Variants in EXOC4 observed in about 807,000 individuals in gnomAD.
EXOC4 encodes exocyst complex component 4.
EXOC4 carries 71 observed loss-of-function variants against 107.2 expected under a neutral mutation model. The ratio of observed to expected loss-of-function variants is 0.66; its 90% CI spans 0.55 to 0.81. The LOEUF is 0.81. EXOC4 is among the 30% of genes least tolerant of loss of function. The probability of loss-of-function intolerance (pLI) is 0.00; values close to 1 mark genes in which losing one functional copy is unlikely to be tolerated. For synonymous variants in EXOC4, 456 were observed against 441.2 expected (o/e 1.03, Z -0.42); for missense variants, 1,108 against 1,189.6 (o/e 0.93, Z 1.01).
intron 7 of EXOC4, 50 bp downstream of exon 7, chr7:133,375,052 GAATAACAA>G: frequency 6.7e-7 from 1 of 1,494,824 alleles, no homozygotes; most frequent in Middle Eastern, 1.9e-4. Flanking sequence ...TAACAGTTTA[GAATAACAA>G]CAACAACAGC....
At chr7:133,386,928 G>A (rs1351023215) in intron 7 of EXOC4, among the ~76,000 whole-genome samples, 2 of 152,048 alleles carry the variant, frequency 1.3e-5, no homozygotes, top group Non-Finnish European at 2.9e-5. Context: ...GCACTATAAT[G>A]TATTGAACCC....
chr7:133,851,887 T>G (rs189296820), intron 11 of EXOC4, among the ~76,000 whole-genome samples: 352 of 152,324 alleles, frequency 2.3e-3, no homozygotes, highest in Non-Finnish European at 3.9e-3. Flanking sequence ...GTCATCATAC[T>G]ACATTATACT....
chr7:133,422,613 A>G lies in EXOC4; in HGVS notation c.1182+47611A>G, dbSNP rs376130662. ...GATTTTAGAACCACATTTTCTTAAA[A>G]TGGAGGTTATGTAGGTTACATGTTT... On this transcript the variant is annotated intron_variant, in intron 7 of 17. Transcript: ENST00000253861. 7.2e-5 allele frequency among the ~76,000 whole-genome samples: 11 copies of G among 152,284 alleles called. No individual in the cohort carries two copies. The East Asian group carries it at 1.9e-3, about 27-fold the overall frequency.
chr7:133,264,566 T>C lies in EXOC4; in HGVS notation c.87-10416T>C, dbSNP rs116533608. Among the ~76,000 whole-genome samples the C allele has an allele frequency of 6.5e-3, 993 of 152,224 alleles. 11 individuals are homozygous for C. The highest frequency in any genetic ancestry group is 0.023 in the African/African-American group (943 of 41,528). ...AATATAATAAAATGCGATTTAAAAG[T>C]GTAATGTAGATTTGGTTATGCTTTG... is the stretch of plus-strand genomic sequence containing the variant. On this transcript the variant is annotated intron_variant, in intron 1 of 17. Transcript: ENST00000253861.
intron 14 of EXOC4, among the ~76,000 whole-genome samples, chr7:133,996,918 G>A (rs966036125): frequency 2.6e-5 from 4 of 152,168 alleles, no homozygotes; most frequent in Non-Finnish European, 5.9e-5. Context: ...GCCAAAATAG[G>A]TATCTTCAAT....
chr7:133,430,622 A>G (rs1797835412), intron 7 of EXOC4, among the ~76,000 whole-genome samples: 1 of 152,164 alleles, frequency 6.6e-6, no homozygotes, highest in Non-Finnish European at 1.5e-5. Context: ...CAATTTTACT[A>G]TACCTAGGAA....
rs764208659 is a variant in EXOC4 at position 133,760,563 on chromosome 7, T to C, written c.1515-56762T>C. ...TGATATGACCGCACACGTGAGTGCC[T>C]GGCACCTGCTCTTTCTCTTGCTCTG... On this transcript the variant is annotated intron_variant, in intron 10 of 17. Coordinates refer to ENST00000253861, the MANE Select transcript of EXOC4 (RefSeq NM_021807.4). Among the ~76,000 whole-genome samples the C allele has an allele frequency of 8.0e-4, 122 of 152,256 alleles. 1 individual carries two copies. Among genetic ancestry groups the C allele is most frequent in the Admixed American group, 3.3e-3 (51 of 15,278 alleles).
intron 12 of EXOC4, among the ~76,000 whole-genome samples, chr7:133,904,738 A>G (rs578001114): frequency 6.6e-6 from 1 of 152,348 alleles, no homozygotes; most frequent in South Asian, 2.1e-4. Context: ...TCTGGTTGTT[A>G]TACAACAATG....
intron 3 of EXOC4, 54 bp from the exon 4 acceptor site, chr7:133,305,823 A>G (rs1794739701): frequency 2.8e-6 from 4 of 1,418,384 alleles, no homozygotes; most frequent in South Asian, 2.8e-5. Flanking sequence ...TATTTATAAT[A>G]TTGCCAGGTT....
chr7:133,631,007 G>A (rs148863604), intron 10 of EXOC4, among the ~76,000 whole-genome samples: 15 of 152,230 alleles, frequency 9.9e-5, no homozygotes, highest in Non-Finnish European at 1.5e-4. Context: ...AACCATGTGC[G>A]CATAGTTAAC....
At chr7:133,879,961 G>A (rs772082625) in intron 11 of EXOC4, among the ~76,000 whole-genome samples, 10 of 152,172 alleles carry the variant, frequency 6.6e-5, no homozygotes, top group African/African-American at 1.4e-4. Flanking sequence ...ACCCTTTCTC[G>A]ATTCCTTGAC....
chr7:133,444,941 T>C (rs967332474), intron 7 of EXOC4, among the ~76,000 whole-genome samples: 1 of 152,190 alleles, frequency 6.6e-6, no homozygotes, highest in Non-Finnish European at 1.5e-5. Flanking sequence ...TTTAATCATG[T>C]ATATTTGCCT....
At chr7:133,655,834 G>C (rs1048620944) in intron 10 of EXOC4, among the ~76,000 whole-genome samples, 1 of 152,178 alleles carries the variant, frequency 6.6e-6, no homozygotes, top group Non-Finnish European at 1.5e-5. Flanking sequence ...CTCAAATAAT[G>C]ATAAAAGCCG....
intron 3 of EXOC4, among the ~76,000 whole-genome samples, chr7:133,304,960 C>A (rs1320000716): frequency 6.6e-6 from 1 of 152,156 alleles, no homozygotes. Context: ...AAGAATAGCA[C>A]CTAGAGTATG....
At chr7:133,570,510 G>A (rs1432333884) in intron 9 of EXOC4, among the ~76,000 whole-genome samples, 7 of 152,198 alleles carry the variant, frequency 4.6e-5, no homozygotes, top group Non-Finnish European at 1.0e-4. Context: ...GAAAAGTGCA[G>A]ATAACCTGAT....
At chr7:133,970,985 G>T (rs1801208199) in intron 14 of EXOC4, among the ~76,000 whole-genome samples, 1 of 151,992 alleles carries the variant, frequency 6.6e-6, no homozygotes, top group African/African-American at 2.4e-5. Flanking sequence ...TGTCTTCTCA[G>T]TTAAAAACCC....
rs553936269 is a variant in EXOC4, at chr7:133,403,121, G to A, written c.1182+28119G>A. Among the ~76,000 whole-genome samples, 156 of 151,994 alleles carry A rather than the reference G, an allele frequency of 1.0e-3. 1 individual carries two copies. Among genetic ancestry groups the A allele is most frequent in the African/African-American group, 3.7e-3 (152 of 41,476 alleles). Reference sequence around the variant, plus strand: ...GATGGTCTTGATCTCCTGACCTCGTGATCCACCCGCCTCGGCCTCCCAAAG... The same window carrying A: ...GATGGTCTTGATCTCCTGACCTCGTAATCCACCCGCCTCGGCCTCCCAAAG... On this transcript the variant is annotated intron_variant, in intron 7 of 17. Transcript: ENST00000253861.
chr7:133,953,202 CT>C (rs1263383119), intron 14 of EXOC4, among the ~76,000 whole-genome samples: 4 of 152,290 alleles, frequency 2.6e-5, no homozygotes, highest in Admixed American at 1.3e-4. Flanking sequence ...AATCCCAGCA[CT>C]TTGGGAAGCC....
In EXOC4 at chr7:133,717,279, T is replaced by C. The variant is rs74752115; in HGVS notation, c.1514+87138T>C. ...TTCGATCATAAAGTGAGCTTTATAA[T>C]TTTATCAATGATAGGAACAATCTTC... On this transcript the variant is annotated intron_variant, in intron 10 of 17. Transcript: ENST00000253861. 4.8e-3 allele frequency among the ~76,000 whole-genome samples: 737 copies of C among 152,352 alleles called. 3 individuals carry two copies. Among genetic ancestry groups the C allele is most frequent in the Middle Eastern group, 0.017 (5 of 294 alleles).
Sources: gnomAD v4.1 joint callset for allele counts (sites outside exome capture counted in the v4.1 genomes callset) on GRCh38, gnomAD v4.1.1 for gene constraint, MANE v1.5 for transcripts, NCBI Gene and HGNC (gene_info 2026-07-23, HGNC 2026-07-21) for gene names.